The following FAM53B variants were observed in gnomAD, a reference collection of about 807,000 sequenced individuals.
FAM53B encodes family with sequence similarity 53 member B.
In FAM53B, 12 loss-of-function variants were observed where a neutral mutation model predicts 32.7. That is an observed-to-expected ratio of 0.37 (90% confidence interval 0.24 to 0.59). The LOEUF is 0.59. Ranked by LOEUF, FAM53B falls within the 20% of genes least tolerant of loss-of-function variation. The pLI is 0.72. For missense variants in FAM53B, 477 were observed against 577.7 expected, an observed-to-expected ratio of 0.83 and a Z score of 1.79; for synonymous variants, 234 against 228.7, an observed-to-expected ratio of 1.02 and a Z score of -0.21.
At chr10:124,676,777 G>A (rs944856483) in intron 4 of FAM53B, among the ~76,000 whole-genome samples, 1 of 152,046 alleles carries the variant, frequency 6.6e-6, no homozygotes, top group South Asian at 2.1e-4. Flanking sequence ...CCAGGAATAC[G>A]GCTCTCAGAG....
At chr10:124,676,295 G>C (rs1285892917) in intron 4 of FAM53B, among the ~76,000 whole-genome samples, 2 of 152,172 alleles carry the variant, frequency 1.3e-5, no homozygotes, top group Non-Finnish European at 2.9e-5. Context: ...GTGTTATAAG[G>C]GGTGCTCCAC....
chr10:124,724,435 C>T (rs1009044404), intron 1 of FAM53B, among the ~76,000 whole-genome samples: 3 of 152,190 alleles, frequency 2.0e-5, no homozygotes, highest in African/African-American at 7.2e-5. Flanking sequence ...ACCGGACAGC[C>T]ACAAGCCGCC....
Position 124,683,182 on chromosome 10 carries a change from T to C in FAM53B, c.134-803A>G, listed in dbSNP as rs1427825134. On this transcript the variant is annotated intron_variant, in intron 3 of 4. Coordinates refer to ENST00000337318, the MANE Select transcript of FAM53B (RefSeq NM_014661.4). ...ATAAATAACCAACCCTGCTATGAAA[T>C]GCTACATTTGCACACGAACCTTTAT... is the stretch of plus-strand genomic sequence containing the variant. Among the ~76,000 whole-genome samples, 4 of 152,242 alleles carry C rather than the reference T, an allele frequency of 2.6e-5. No homozygotes were observed. The East Asian group carries it at 7.7e-4, about 29-fold the overall frequency.
chr10:124,623,245 G>C lies in FAM53B; in HGVS notation c.1266C>G (p.Asn422Lys). 1 of 1,595,786 alleles carries C rather than the reference G, an allele frequency of 6.3e-7. No individual in the cohort carries two copies. The highest frequency in any genetic ancestry group is 8.5e-7 in the Non-Finnish European group (1 of 1,170,420). The change falls in exon 5 of 5, where the codon AAC (asparagine) becomes AAG (lysine). Residue 422 changes from asparagine to lysine, a missense_variant. Around this residue, in one of 2 missense-constraint regions of FAM53B, gnomAD observed 165 missense variants for 157.5 expected, o/e 1.05. Transcript: ENST00000337318. Reference protein sequence around the residue: ...GELDIEQIEKN With the variant: ...GELDIEQIEKK ...CCCTGCCTGGGCCCACACCCCCTCA[G>C]TTCTTCTCTATCTGCTCAATGTCCA...
intron 1 of FAM53B, among the ~76,000 whole-genome samples, chr10:124,719,086 G>T (rs1381189909): frequency 2.0e-5 from 3 of 151,880 alleles, no homozygotes; most frequent in Non-Finnish European, 4.4e-5. Context: ...AGAAGACGAA[G>T]AAAGGCTTCA....
intron 1 of FAM53B, 29 bp from the exon 2 acceptor site, chr10:124,706,916 T>C (rs1359181883): frequency 7.0e-7 from 1 of 1,426,782 alleles, no homozygotes; most frequent in African/African-American, 1.4e-5. Context: ...AGCAAAAAGA[T>C]TCAGGACTAA....
At chr10:124,626,343 T>C (rs993964579) in intron 4 of FAM53B, among the ~76,000 whole-genome samples, 2 of 151,158 alleles carry the variant, frequency 1.3e-5, no homozygotes, top group African/African-American at 4.9e-5. Context: ...CCACCATGAT[T>C]GTGTGGGTCT....
chr10:124,620,949 G>C lies in FAM53B; in HGVS notation c.*2293C>G, dbSNP rs2134031310. ...TGCGGGGAGGTGGGGAGGTGGCTGT[G>C]ACTCAGCCAGCTCCACAGCTTGTCC... On this transcript the variant is annotated 3_prime_UTR_variant, in exon 5 of 5. Coordinates refer to ENST00000337318, the MANE Select transcript of FAM53B (RefSeq NM_014661.4). 6.6e-6 allele frequency: 1 copy of C among 152,286 alleles called. No homozygotes were observed. Among genetic ancestry groups the C allele is most frequent in the Non-Finnish European group, 1.5e-5 (1 of 68,046 alleles). The allele number at this position is 152,286 out of a possible 1,614,324, so 9.4% of individuals were successfully genotyped here.
intron 4 of FAM53B, among the ~76,000 whole-genome samples, chr10:124,676,424 C>T (rs770405445): frequency 1.3e-5 from 2 of 152,158 alleles, no homozygotes; most frequent in Admixed American, 6.5e-5. Context: ...GCAGGATGGA[C>T]AGGAAAAGTC....
In FAM53B at chr10:124,621,388, C is replaced by A. The variant is rs958302797; in HGVS notation, c.*1854G>T. On this transcript the variant is annotated 3_prime_UTR_variant, in exon 5 of 5. Transcript: ENST00000337318. The stretch of plus-strand genomic sequence containing the variant: ...AGATGTCTCTGTCTGCTCAGAGCCA[C>A]CAGCTCTTGGGTTCGGCTGTCCGGG... 2.6e-5 allele frequency: 4 copies of A among 152,290 alleles called. No homozygotes were observed. Among genetic ancestry groups the A allele is most frequent in the African/African-American group, 9.6e-5 (4 of 41,474 alleles). 9.4% of individuals were successfully genotyped at this position (152,290 alleles called of 1,614,324 possible).
chr10:124,630,889 G>A (rs1221455448), intron 4 of FAM53B, among the ~76,000 whole-genome samples: 2 of 152,242 alleles, frequency 1.3e-5, no homozygotes, highest in African/African-American at 4.8e-5. Context: ...CAGTACAGCA[G>A]GGGACAGACT....
chr10:124,661,605 G>C (rs1949631837), intron 4 of FAM53B, among the ~76,000 whole-genome samples: 2 of 152,174 alleles, frequency 1.3e-5, no homozygotes, highest in Non-Finnish European at 2.9e-5. Flanking sequence ...TCAAGGCCAG[G>C]GCAGTGGGGA....
intron 4 of FAM53B, among the ~76,000 whole-genome samples, chr10:124,644,543 C>T (rs995235500): frequency 1.3e-5 from 2 of 152,216 alleles, no homozygotes; most frequent in Non-Finnish European, 2.9e-5. Context: ...TCTGGCTGAC[C>T]TGCCTGGCAC....
intron 1 of FAM53B, among the ~76,000 whole-genome samples, chr10:124,724,442 C>T (rs991758221): frequency 6.6e-6 from 1 of 152,182 alleles, no homozygotes; most frequent in African/African-American, 2.4e-5. Flanking sequence ...AGCCACAAGC[C>T]GCCACCCTGC....
chr10:124,711,101 G>A (rs1949999466), intron 1 of FAM53B, among the ~76,000 whole-genome samples: 1 of 152,166 alleles, frequency 6.6e-6, no homozygotes. Context: ...AAATGTGGCA[G>A]GGCACAGCCA....
intron 4 of FAM53B, among the ~76,000 whole-genome samples, chr10:124,636,873 C>G (rs776231125): frequency 6.6e-6 from 1 of 151,802 alleles, no homozygotes; most frequent in Admixed American, 6.6e-5. Context: ...CGTGTTTTCA[C>G]ACCCACCAAG....
In FAM53B at chr10:124,623,470, G is replaced by T. The variant is rs750116808; in HGVS notation, c.1041C>A (p.Gly347=). ...GGACCGGGGTCCCAGCGGGGGTCCT[G>T]CCCCCTGGGCCGGAGGCTGAGAGCA... ...TALLSASGPG[G]RTPAGTPVPE... The change falls in exon 5 of 5, where the codon GGC becomes GGA. Residue 347 remains glycine (G), a synonymous_variant. Coordinates refer to ENST00000337318, the MANE Select transcript of FAM53B (RefSeq NM_014661.4). 8.2e-6 allele frequency: 13 copies of T among 1,585,384 alleles called. No individual in the cohort carries two copies. In the East Asian group the frequency reaches 2.5e-4, roughly 31 times the overall value.
chr10:124,644,743 G>A (rs976815405), intron 4 of FAM53B, among the ~76,000 whole-genome samples: 3 of 152,184 alleles, frequency 2.0e-5, no homozygotes, highest in Non-Finnish European at 4.4e-5. Flanking sequence ...GGGTCCTGGG[G>A]GTGGCAGCAG....
At chr10:124,704,819 G>A (rs1305277872) in intron 2 of FAM53B, among the ~76,000 whole-genome samples, 1 of 152,214 alleles carries the variant, frequency 6.6e-6, no homozygotes, top group African/African-American at 2.4e-5. Flanking sequence ...GCTGGGTGGA[G>A]AACAGGTTAA....
Sources: gnomAD v4.1 joint callset for allele counts (sites outside exome capture counted in the v4.1 genomes callset) on GRCh38, gnomAD v4.1.1 for gene constraint, gnomAD v4.1.1 regional missense constraint, MANE v1.5 for transcripts, NCBI Gene and HGNC (gene_info 2026-07-23, HGNC 2026-07-21) for gene names.